The following PLCB1 variants were observed in gnomAD, a reference collection of about 807,000 sequenced individuals.
The protein encoded by PLCB1 is 1-phosphatidylinositol 4,5-bisphosphate phosphodiesterase beta-1.
In PLCB1, 46 loss-of-function variants were observed where a neutral mutation model predicts 161.8. That is an observed-to-expected ratio of 0.28 (90% CI 0.22 to 0.36). The LOEUF is 0.36. Ranked by LOEUF, PLCB1 falls within the 10% of genes least tolerant of loss-of-function variation. PLCB1 has a pLI of 1.00. For missense variants in PLCB1, 1,016 were observed against 1,472.5 expected (o/e 0.69, Z 5.07); for synonymous variants, 517 against 503.7 (o/e 1.03, Z -0.35).
intron 2 of PLCB1, among the ~76,000 whole-genome samples, chr20:8,181,248 CAAAAAAAAAAA>C (rs60871672): frequency 1.2e-5 from 1 of 81,316 alleles, no homozygotes; most frequent in African/African-American, 3.8e-5. Flanking sequence ...GACTCTGTCT[CAAAAAAAAAAA>C]AAAAAAAAAA....
chr20:8,142,636 C>G (rs922523362), intron 1 of PLCB1, among the ~76,000 whole-genome samples: 2 of 152,044 alleles, frequency 1.3e-5, no homozygotes, highest in African/African-American at 4.8e-5. Flanking sequence ...AATGAAAAGC[C>G]CTTAAAGAAA....
intron 3 of PLCB1, among the ~76,000 whole-genome samples, chr20:8,523,496 C>CTCTCTCTCTCTCTCTCTATATATA: frequency 8.9e-4 from 46 of 51,642 alleles, no homozygotes; most frequent in Admixed American, 5.8e-3. Flanking sequence ...CTCTCTCTCT[C>CTCTCTCTCTCTCTCTCTATATATA]TATATATATA....
intron 2 of PLCB1, among the ~76,000 whole-genome samples, chr20:8,235,149 G>T (rs1310447710): frequency 6.6e-6 from 1 of 152,046 alleles, no homozygotes; most frequent in African/African-American, 2.4e-5. Context: ...CAAAGTATGT[G>T]TCTGAGATAT....
In PLCB1 at chr20:8,371,205, G is replaced by C. The variant is rs535896812; in HGVS notation, c.178-177G>C. The C allele has an allele frequency of 9.2e-6, 5 of 541,894 alleles. No individual in the cohort carries two copies. In the Admixed American group the frequency reaches 1.1e-4, roughly 12 times the overall value. 33.6% of individuals were successfully genotyped at this position (541,894 alleles called of 1,614,324 possible). A position where few individuals can be genotyped will look rare whatever the true frequency, so the allele number is the denominator to read the frequency against. ...ATAACTGAGCAGTTAGCAGTTAGCTGTCTTTTGTTTCCAACCTAATTCAAT... is the reference window on the plus strand; with the variant it reads ...ATAACTGAGCAGTTAGCAGTTAGCTCTCTTTTGTTTCCAACCTAATTCAAT... On this transcript the variant is annotated intron_variant, in intron 2 of 31. Coordinates refer to ENST00000338037, the MANE Select transcript of PLCB1 (RefSeq NM_015192.4).
At chr20:8,822,685 A>G (rs1359445775) in intron 31 of PLCB1, among the ~76,000 whole-genome samples, 4 of 152,236 alleles carry the variant, frequency 2.6e-5, no homozygotes, top group Non-Finnish European at 5.9e-5. Flanking sequence ...TGGTTAAACA[A>G]TAGTCCCTCA....
chr20:8,531,430 A>T (rs1409461448), intron 3 of PLCB1, among the ~76,000 whole-genome samples: 1 of 152,146 alleles, frequency 6.6e-6, no homozygotes, highest in Non-Finnish European at 1.5e-5. Flanking sequence ...TAATTATTAC[A>T]ATTGGAATGT....
At chr20:8,595,251 TC>T (rs71184103) in intron 3 of PLCB1, among the ~76,000 whole-genome samples, 37,093 of 108,224 alleles carry the variant, frequency 0.34, 6,756 homozygotes, top group Non-Finnish European at 0.42. Context: ...CCCTCCCCCC[TC>T]CCCCCACCCC....
At chr20:8,691,399 G>C (rs548525745) in intron 10 of PLCB1, among the ~76,000 whole-genome samples, 2 of 152,122 alleles carry the variant, frequency 1.3e-5, no homozygotes, top group East Asian at 1.9e-4. Flanking sequence ...TTCATATAAA[G>C]AGTGGTGGAA....
chr20:8,813,567 C>T (rs1239578607), intron 31 of PLCB1, among the ~76,000 whole-genome samples: 1 of 152,128 alleles, frequency 6.6e-6, no homozygotes, highest in Non-Finnish European at 1.5e-5. Flanking sequence ...CGGTGGCTCA[C>T]ACCTATAATC....
intron 3 of PLCB1, among the ~76,000 whole-genome samples, chr20:8,536,250 A>G (rs1985045113): frequency 1.3e-5 from 2 of 152,110 alleles, no homozygotes; most frequent in African/African-American, 4.8e-5. Flanking sequence ...CTTAAGAGAA[A>G]GAAAGTTCAT....
At position 8,132,333 on chromosome 20, in the gene PLCB1, G is replaced by A. The variant is rs969156530; in HGVS notation, c.-319G>A. ...GCGCTTTGAGGCGGCGGCGGCGGAG[G>A]AGCAGAATCCGCCGCGACTGGCAGC... On this transcript the variant is annotated 5_prime_UTR_variant, in exon 1 of 32. Coordinates refer to ENST00000338037, the MANE Select transcript of PLCB1 (RefSeq NM_015192.4). This position sits in a 1 kb window ranked among gnomAD's most constrained non-coding sequence, Gnocchi z 5.2. 7.2e-5 allele frequency: 16 copies of A among 222,104 alleles called. No individual in the cohort carries two copies. Among genetic ancestry groups the A allele is most frequent in the African/African-American group, 3.4e-4 (15 of 43,524 alleles). The allele number at this position is 222,104 out of a possible 1,614,324, so 13.8% of individuals were successfully genotyped here.
chr20:8,251,217 C>T (rs1268887243), intron 2 of PLCB1, among the ~76,000 whole-genome samples: 2 of 151,912 alleles, frequency 1.3e-5, no homozygotes, highest in African/African-American at 4.8e-5. Context: ...ATGACTTAAT[C>T]GCCTCCCAAA....
intron 31 of PLCB1, among the ~76,000 whole-genome samples, chr20:8,851,886 A>C (rs1019094902): frequency 6.6e-6 from 1 of 152,300 alleles, no homozygotes. Flanking sequence ...CCCCAGTACA[A>C]GTGTTCATAG....
chr20:8,175,671 A>C (rs1254563523), intron 2 of PLCB1, among the ~76,000 whole-genome samples: 3 of 152,190 alleles, frequency 2.0e-5, no homozygotes, highest in Non-Finnish European at 2.9e-5. Context: ...TCTCATTAAA[A>C]TTAAAATAAT....
chr20:8,484,442 A>G (rs551827553), intron 3 of PLCB1, among the ~76,000 whole-genome samples: 1 of 146,706 alleles, frequency 6.8e-6, no homozygotes, highest in East Asian at 2.0e-4. Flanking sequence ...GCTTACAGCA[A>G]CCTCCACCTC....
chr20:8,518,295 TC>T (rs1984217983), intron 3 of PLCB1, among the ~76,000 whole-genome samples: 1 of 152,176 alleles, frequency 6.6e-6, no homozygotes, highest in Non-Finnish European at 1.5e-5. Flanking sequence ...GACTAATGAA[TC>T]CCAACATGCT....
chr20:8,669,109 T>C (rs1228553771), intron 9 of PLCB1, among the ~76,000 whole-genome samples: 1 of 152,244 alleles, frequency 6.6e-6, no homozygotes, highest in Non-Finnish European at 1.5e-5. Context: ...TCACAAATAA[T>C]TATAAAACAA....
intron 9 of PLCB1, among the ~76,000 whole-genome samples, chr20:8,674,153 G>C (rs769968570): frequency 6.6e-6 from 1 of 152,156 alleles, no homozygotes; most frequent in Non-Finnish European, 1.5e-5. Flanking sequence ...ACAATCCCTG[G>C]ATGAAGAGAC....
chr20:8,685,686 G>A lies in PLCB1; in HGVS notation c.1009+608G>A, dbSNP rs568743575. On this transcript the variant is annotated intron_variant, in intron 10 of 31. Coordinates refer to ENST00000338037, the MANE Select transcript of PLCB1 (RefSeq NM_015192.4). ...CAAGAGGTGGAGGTTACAGTGAGCCGAGATCACACCACTGCACCCCAACCT... is the reference window on the plus strand; with the variant it reads ...CAAGAGGTGGAGGTTACAGTGAGCCAAGATCACACCACTGCACCCCAACCT... 1.5e-4 allele frequency among the ~76,000 whole-genome samples: 22 copies of A among 150,844 alleles called. No homozygotes were observed. The South Asian group carries it at 3.0e-3, about 20-fold the overall frequency.
Sources: gnomAD v4.1 joint callset for allele counts (sites outside exome capture counted in the v4.1 genomes callset) on GRCh38, gnomAD v4.1.1 for gene constraint, Gnocchi (gnomAD v3.1) non-coding constraint, MANE v1.5 for transcripts, NCBI Gene and HGNC (gene_info 2026-07-23, HGNC 2026-07-21) for gene names.